Variants in SFMBT2 observed in about 807,000 individuals in gnomAD.
SFMBT2 encodes the protein scm-like with four MBT domains protein 2.
A neutral mutation model predicts 110.1 loss-of-function variants in SFMBT2; 38 were observed. The observed-to-expected ratio is 0.35, with a 90% CI of 0.27 to 0.45. The LOEUF (loss-of-function observed/expected upper bound fraction) is 0.45, where lower values mean the gene tolerates loss of function less well. Among genes scored for constraint, SFMBT2 ranks in the 20% least tolerant of loss-of-function variants. The pLI, the probability that SFMBT2 is intolerant of heterozygous loss-of-function variation, is 1.00. For missense variants in SFMBT2, 1,011 were observed against 1,094.9 expected, an observed-to-expected ratio of 0.92 and a Z score of 1.08; for synonymous variants, 425 against 425.4, an observed-to-expected ratio of 1.00 and a Z score of 0.01.
At chr10:7,394,154 T>C (rs1391680838) in intron 1 of SFMBT2, among the ~76,000 whole-genome samples, 1 of 152,086 alleles carries the variant, frequency 6.6e-6, no homozygotes, top group African/African-American at 2.4e-5. Context: ...CGCGCCACCA[T>C]GTCTGGTAGA....
chr10:7,251,715 G>A (rs998430619), intron 7 of SFMBT2, among the ~76,000 whole-genome samples: 9 of 152,084 alleles, frequency 5.9e-5, no homozygotes, highest in East Asian at 1.9e-4. Context: ...AGTCACTCCC[G>A]GCACATTCAT....
At position 7,385,978 on chromosome 10, in the gene SFMBT2, G is replaced by A. The variant is rs906334350; in HGVS notation, c.-51-4029C>T. 2.0e-5 allele frequency among the ~76,000 whole-genome samples: 3 copies of A among 151,802 alleles called. No homozygotes were observed. In the East Asian group the frequency reaches 5.8e-4, roughly 30 times the overall value. On this transcript the variant is annotated intron_variant, in intron 1 of 20. Coordinates refer to ENST00000397167, the MANE Select transcript of SFMBT2 (RefSeq NM_001387889.1). ...TCGTGCCACTGCACTCCAGCCTGGG[G>A]GAGAGAGACTCTGTCTCAAAAAAAC...
intron 2 of SFMBT2, among the ~76,000 whole-genome samples, chr10:7,376,098 G>A (rs562652566): frequency 5.9e-5 from 9 of 152,194 alleles, no homozygotes; most frequent in South Asian, 2.1e-4. Flanking sequence ...ATTTCACGTC[G>A]CAAGCCTGTA....
intron 4 of SFMBT2, among the ~76,000 whole-genome samples, chr10:7,334,425 AT>A (rs1843655747): frequency 6.6e-6 from 1 of 152,160 alleles, no homozygotes; most frequent in Non-Finnish European, 1.5e-5. Flanking sequence ...CCTCTTTGGA[AT>A]TAGCTCCCAA....
intron 11 of SFMBT2, chr10:7,215,628 T>C: frequency 2.0e-6 from 2 of 985,322 alleles, no homozygotes; most frequent in South Asian, 4.7e-5. Flanking sequence ...CTCACATCCA[T>C]GGAGGCAGGG....
Position 7,251,971 on chromosome 10 carries a change from C to T in SFMBT2, c.871-3322G>A, listed in dbSNP as rs143559839. 5.6e-4 allele frequency among the ~76,000 whole-genome samples: 85 copies of T among 152,312 alleles called. No homozygotes were observed. The East Asian group carries it at 0.014, about 26-fold the overall frequency. On this transcript the variant is annotated intron_variant, in intron 7 of 20. Transcript: ENST00000397167. ...CCACGGGGCTTCTGGTCTACCCGCC[C>T]TCTTCATTCCCTCCATTCCAGATTC...
chr10:7,251,337 G>A (rs1258732168), intron 7 of SFMBT2, among the ~76,000 whole-genome samples: 1 of 151,946 alleles, frequency 6.6e-6, no homozygotes, highest in Non-Finnish European at 1.5e-5. Context: ...AGCTGAATGT[G>A]GTGGCAGAAG....
At chr10:7,250,850 C>T (rs1022879043) in intron 7 of SFMBT2, among the ~76,000 whole-genome samples, 20 of 152,042 alleles carry the variant, frequency 1.3e-4, no homozygotes, top group African/African-American at 4.6e-4. Flanking sequence ...TGGGGGAAAG[C>T]AAATCAGGAA....
intron 7 of SFMBT2, among the ~76,000 whole-genome samples, chr10:7,267,909 C>T (rs780861396): frequency 7.2e-5 from 11 of 152,220 alleles, no homozygotes; most frequent in Non-Finnish European, 1.2e-4. Flanking sequence ...TGTCTTCTCC[C>T]AGCTATATTT....
intron 4 of SFMBT2, among the ~76,000 whole-genome samples, chr10:7,286,655 A>T (rs1219898662): frequency 6.6e-6 from 1 of 152,178 alleles, no homozygotes; most frequent in African/African-American, 2.4e-5. Context: ...TCCAGAGATG[A>T]TTTAAGGTCT....
At chr10:7,312,228 TA>T (rs1026220149) in intron 4 of SFMBT2, among the ~76,000 whole-genome samples, 2 of 150,292 alleles carry the variant, frequency 1.3e-5, no homozygotes, top group South Asian at 2.1e-4. Flanking sequence ...AAGTATAATT[TA>T]AAAAAAAAAT....
chr10:7,317,109 C>T (rs933758974), intron 4 of SFMBT2, among the ~76,000 whole-genome samples: 1 of 152,130 alleles, frequency 6.6e-6, no homozygotes, highest in Non-Finnish European at 1.5e-5. Flanking sequence ...ACTGCTCCTT[C>T]AGGAGAGGGC....
At chr10:7,319,896 CAGAGAGAGACTA>C (rs1564438333) in intron 4 of SFMBT2, among the ~76,000 whole-genome samples, 2 of 123,714 alleles carry the variant, frequency 1.6e-5, no homozygotes, top group Non-Finnish European at 3.4e-5. Flanking sequence ...GACAGAGAGA[CAGAGAGAGACTA>C]AGAGAGAGAG....
intron 3 of SFMBT2, 138 bp from the exon 4 acceptor site, chr10:7,368,027 T>A (rs1844958343): frequency 1.6e-6 from 2 of 1,258,982 alleles, no homozygotes; most frequent in Non-Finnish European, 1.1e-6. Context: ...TTTATCTAAG[T>A]AATACACTAT....
At chr10:7,196,717 A>G (rs191322047) in intron 15 of SFMBT2, among the ~76,000 whole-genome samples, 180 of 152,350 alleles carry the variant, frequency 1.2e-3, no homozygotes, top group Non-Finnish European at 9.7e-4. Flanking sequence ...AACATTCATC[A>G]TGGTACGGTG....
chr10:7,366,845 G>A (rs1428644726), intron 4 of SFMBT2, among the ~76,000 whole-genome samples: 1 of 152,176 alleles, frequency 6.6e-6, no homozygotes, highest in African/African-American at 2.4e-5. Flanking sequence ...GCATTGCGGG[G>A]GTTTAGCATC....
At chr10:7,349,316 C>G (rs1844225402) in intron 4 of SFMBT2, among the ~76,000 whole-genome samples, 2 of 152,218 alleles carry the variant, frequency 1.3e-5, no homozygotes, top group Admixed American at 1.3e-4. Context: ...CATCCCAACA[C>G]AGTCTCAGGC....
chr10:7,171,713 G>A lies in SFMBT2; in HGVS notation c.2415+182C>T, dbSNP rs369777202. Among the ~76,000 whole-genome samples, 5 of 152,220 alleles carry A rather than the reference G, an allele frequency of 3.3e-5. No homozygotes were observed. Among genetic ancestry groups the A allele is most frequent in the African/African-American group, 1.2e-4 (5 of 41,462 alleles). ...ACCCTGGGCACTCCATTCTGATGCC[G>A]AAAGGCCCCTCCACCCAGAGGTGAA... On this transcript the variant is annotated intron_variant, in intron 19 of 20. Coordinates refer to ENST00000397167, the MANE Select transcript of SFMBT2 (RefSeq NM_001387889.1). The surrounding 1 kb of genome is among the most constrained non-coding windows in gnomAD (Gnocchi z 4.9).
intron 20 of SFMBT2, among the ~76,000 whole-genome samples, chr10:7,166,075 G>GTTCTA (rs887911048): frequency 6.6e-6 from 1 of 152,238 alleles, no homozygotes; most frequent in African/African-American, 2.4e-5. Flanking sequence ...GAGGGCTGAT[G>GTTCTA]TTCTATTCTG....
Sources: allele counts gnomAD v4.1 joint callset (sites outside exome capture counted in the v4.1 genomes callset), GRCh38; gene constraint gnomAD v4.1.1; non-coding constraint Gnocchi (gnomAD v3.1); transcripts MANE v1.5; gene names NCBI Gene and HGNC (gene_info 2026-07-23, HGNC 2026-07-21).